COBLL1: variants seen among roughly 807,000 people sequenced by gnomAD.
COBLL1 encodes cordon-bleu protein-like 1.
COBLL1 carries 50 observed loss-of-function variants against 94.8 expected under a neutral mutation model. The observed-to-expected ratio is 0.53, with a 90% CI of 0.42 to 0.67. COBLL1 has a LOEUF of 0.67. Among genes scored for constraint, COBLL1 ranks in the 30% least tolerant of loss-of-function variants. The probability of loss-of-function intolerance (pLI) is 0.00; values close to 1 mark genes in which losing one functional copy is unlikely to be tolerated. For synonymous variants in COBLL1, 448 were observed against 473.8 expected, an observed-to-expected ratio of 0.95 and a Z score of 0.71; for missense variants, 1,362 against 1,348.7, an observed-to-expected ratio of 1.01 and a Z score of -0.15.
chr2:164,833,490 G>C (rs1476713530), intron 2 of COBLL1, among the ~76,000 whole-genome samples: 3 of 132,614 alleles, frequency 2.3e-5, no homozygotes, highest in Admixed American at 8.4e-5. Context: ...TCACTCTTTC[G>C]CCCAGGCCGG....
intron 2 of COBLL1, among the ~76,000 whole-genome samples, chr2:164,760,344 A>G (rs1687618337): frequency 1.3e-5 from 2 of 152,196 alleles, no homozygotes; most frequent in Non-Finnish European, 2.9e-5. Flanking sequence ...CAAAGGGACA[A>G]ACTTCAGGTC....
chr2:164,824,968 T>A (rs992123778), intron 2 of COBLL1, among the ~76,000 whole-genome samples: 2 of 152,190 alleles, frequency 1.3e-5, no homozygotes, highest in Non-Finnish European at 2.9e-5. Context: ...CCAAATGACA[T>A]CTGGATTCCA....
intron 1 of COBLL1, among the ~76,000 whole-genome samples, chr2:164,669,642 C>G (rs551042076): frequency 2.0e-4 from 31 of 152,178 alleles, no homozygotes; most frequent in Non-Finnish European, 4.1e-4. Context: ...ATTGGGAACA[C>G]TGCAAAACAT....
At chr2:164,828,925 C>T (rs913845789) in intron 2 of COBLL1, among the ~76,000 whole-genome samples, 2 of 152,162 alleles carry the variant, frequency 1.3e-5, no homozygotes, top group South Asian at 4.1e-4. Context: ...TAGAATGCTA[C>T]CAGGATTCAA....
chr2:164,830,322 C>T (rs946246072), intron 2 of COBLL1, among the ~76,000 whole-genome samples: 1 of 152,176 alleles, frequency 6.6e-6, no homozygotes, highest in African/African-American at 2.4e-5. Context: ...AAATCCAAGA[C>T]ATTCAAATCC....
At chr2:164,777,359 C>CAT (rs1688514950) in intron 2 of COBLL1, among the ~76,000 whole-genome samples, 1 of 148,976 alleles carries the variant, frequency 6.7e-6, no homozygotes, top group South Asian at 2.1e-4. Flanking sequence ...CACACACACA[C>CAT]ATTACTGTTA....
At chr2:164,668,471 C>G (rs1416225536) in intron 1 of COBLL1, among the ~76,000 whole-genome samples, 1 of 152,154 alleles carries the variant, frequency 6.6e-6, no homozygotes, top group Admixed American at 6.5e-5. Flanking sequence ...TTGGAGCAGT[C>G]AGAACACATA....
chr2:164,721,105 T>A (rs1456952725), intron 7 of COBLL1, among the ~76,000 whole-genome samples: 2 of 152,092 alleles, frequency 1.3e-5, no homozygotes, highest in African/African-American at 4.8e-5. Flanking sequence ...CTATGGTTAA[T>A]TTTTTTTAAG....
chr2:164,668,663 G>A (rs1293276324), intron 1 of COBLL1, among the ~76,000 whole-genome samples: 1 of 152,222 alleles, frequency 6.6e-6, no homozygotes, highest in Non-Finnish European at 1.5e-5. Context: ...GCAAAGCACA[G>A]TGAAATGAGG....
At position 164,722,430 on chromosome 2, in the gene COBLL1, C is replaced by A; in HGVS notation, c.754G>T (p.Asp252Tyr). The change falls in exon 6 of 14, where the codon GAC becomes TAC. Residue 252 changes from aspartate (D) to tyrosine (Y), a missense_variant. Physicochemically the swap from Asp to Tyr is radical, Grantham distance 160 (BLOSUM62 -3). Coordinates refer to ENST00000652658, the MANE Select transcript of COBLL1 (RefSeq NM_001365672.2). ...CAATATAAGAAAATACTTACTTGGTCTCGCTTTTTCTTACTGCGTTGAAAA... is the reference window on the plus strand; with the variant it reads ...CAATATAAGAAAATACTTACTTGGTATCGCTTTTTCTTACTGCGTTGAAAA... ...SFFQRSKKKR[D>Y]QTASAPATPL... The A allele has an allele frequency of 6.6e-7, 1 of 1,517,260 alleles. No individual in the cohort carries two copies. Among genetic ancestry groups the A allele is most frequent in the Non-Finnish European group, 8.8e-7 (1 of 1,131,408 alleles). The allele number at this position is 1,517,260 out of a possible 1,614,324, so 94.0% of individuals were successfully genotyped here.
intron 3 of COBLL1, among the ~76,000 whole-genome samples, chr2:164,738,643 A>G (rs1033251674): frequency 6.6e-6 from 1 of 152,236 alleles, no homozygotes; most frequent in Admixed American, 6.5e-5. Context: ...GATTATATAC[A>G]TGATACACAG....
intron 2 of COBLL1, among the ~76,000 whole-genome samples, chr2:164,658,182 C>T (rs1691008659): frequency 6.6e-6 from 1 of 152,112 alleles, no homozygotes; most frequent in African/African-American, 2.4e-5. Context: ...TGGAAGCGGT[C>T]ACCTTCCCAG....
chr2:164,737,915 C>T (rs1015635049), intron 3 of COBLL1, among the ~76,000 whole-genome samples: 1 of 152,114 alleles, frequency 6.6e-6, no homozygotes, highest in Admixed American at 6.6e-5. Flanking sequence ...GTAAATCAGG[C>T]TGAAAAGCAT....
intron 2 of COBLL1, among the ~76,000 whole-genome samples, chr2:164,751,428 T>G (rs2105586276): frequency 1.3e-5 from 2 of 152,204 alleles, no homozygotes; most frequent in South Asian, 4.2e-4. Flanking sequence ...AAGGTCATAT[T>G]AGTTTCATCA....
At chr2:164,773,865 G>A (rs1688333201) in intron 2 of COBLL1, 2 of 393,664 alleles carry the variant, frequency 5.1e-6, no homozygotes, top group South Asian at 9.1e-5. Context: ...TGTAAAAGAA[G>A]GAATTCACTG....
chr2:164,837,817 C>T (rs10199932), intron 2 of COBLL1, among the ~76,000 whole-genome samples: 31,291 of 152,008 alleles, frequency 0.21, 3,343 homozygotes, highest in Middle Eastern at 0.28. Context: ...AACCTCATAA[C>T]GAATTCCAAA....
chr2:164,833,583 T>C (rs543313437), intron 2 of COBLL1, among the ~76,000 whole-genome samples: 43 of 152,024 alleles, frequency 2.8e-4, no homozygotes, highest in African/African-American at 9.9e-4. Flanking sequence ...CCCGAGTAGC[T>C]GGGATTACAG....
intron 2 of COBLL1, among the ~76,000 whole-genome samples, chr2:164,750,075 A>G (rs1021730965): frequency 5.9e-5 from 9 of 151,934 alleles, no homozygotes; most frequent in African/African-American, 1.9e-4. Flanking sequence ...TACAACCTCC[A>G]CCTCCAAGAG....
At chr2:164,777,359 CAT>C (rs1162841438) in intron 2 of COBLL1, among the ~76,000 whole-genome samples, 2 of 148,862 alleles carry the variant, frequency 1.3e-5, no homozygotes, top group African/African-American at 2.5e-5. Context: ...CACACACACA[CAT>C]TACTGTTAAA....
Sources: allele counts gnomAD v4.1 joint callset (sites outside exome capture counted in the v4.1 genomes callset), GRCh38; gene constraint gnomAD v4.1.1; transcripts MANE v1.5; gene names NCBI Gene and HGNC (gene_info 2026-07-23, HGNC 2026-07-21).